Variants in FNDC3B observed in about 807,000 individuals in gnomAD.
The protein encoded by FNDC3B is fibronectin type III domain-containing protein 3B.
In FNDC3B, 12 loss-of-function variants were observed where a neutral mutation model predicts 151.5. The observed-to-expected ratio is 0.08, with a 90% CI of 0.05 to 0.13. The LOEUF (loss-of-function observed/expected upper bound fraction) is 0.13. Among genes scored for constraint, FNDC3B ranks in the 10% least tolerant of loss-of-function variants. FNDC3B has a pLI of 1.00. For missense variants in FNDC3B, 1,214 were observed against 1,505.3 expected, an observed-to-expected ratio of 0.81 and a Z score of 3.20; for synonymous variants, 528 against 549.0, an observed-to-expected ratio of 0.96 and a Z score of 0.54.
At chr3:172,188,533 G>A (rs1054727038) in intron 3 of FNDC3B, among the ~76,000 whole-genome samples, 1 of 151,944 alleles carries the variant, frequency 6.6e-6, no homozygotes, top group Non-Finnish European at 1.5e-5. Context: ...AGCCTCCAGA[G>A]TAGCTGGGAC....
intron 3 of FNDC3B, among the ~76,000 whole-genome samples, chr3:172,218,579 G>T (rs1377849240): frequency 6.6e-6 from 1 of 152,188 alleles, no homozygotes; most frequent in Non-Finnish European, 1.5e-5. Flanking sequence ...CAGTGTGAAA[G>T]TTGTTAAGAT....
At chr3:172,127,087 G>A (rs550867582) in intron 2 of FNDC3B, 2 of 456,612 alleles carry the variant, frequency 4.4e-6, no homozygotes, top group African/African-American at 2.0e-5. Context: ...AGATTTTATC[G>A]AGAGCATGAA....
chr3:172,062,245 C>T (rs987315477), intron 1 of FNDC3B, among the ~76,000 whole-genome samples: 3 of 151,924 alleles, frequency 2.0e-5, no homozygotes, highest in Admixed American at 1.3e-4. Flanking sequence ...TGGGAATTTG[C>T]CTCCTTTCTT....
At chr3:172,368,260 A>G (rs1012230699) in intron 23 of FNDC3B, among the ~76,000 whole-genome samples, 19 of 125,612 alleles carry the variant, frequency 1.5e-4, no homozygotes, top group African/African-American at 5.6e-4. Flanking sequence ...ACAGAGTGAG[A>G]CCCAGACTCT....
intron 3 of FNDC3B, among the ~76,000 whole-genome samples, chr3:172,210,983 G>C: frequency 6.6e-6 from 1 of 152,150 alleles, no homozygotes; most frequent in Non-Finnish European, 1.5e-5. Flanking sequence ...TTGAAAATTA[G>C]AGTTTCTTGT....
At chr3:172,273,683 T>C (rs188305223) in intron 6 of FNDC3B, among the ~76,000 whole-genome samples, 3 of 152,356 alleles carry the variant, frequency 2.0e-5, no homozygotes, top group Admixed American at 6.5e-5. Flanking sequence ...TTTATGTTAG[T>C]GGTTGTTACT....
chr3:172,355,521 G>A (rs115650395), intron 22 of FNDC3B, among the ~76,000 whole-genome samples: 1 of 152,154 alleles, frequency 6.6e-6, no homozygotes, highest in Admixed American at 6.5e-5. Flanking sequence ...AATCTAGGGG[G>A]GGGGCCTAGC....
At chr3:172,324,267 C>T (rs965319213) in intron 11 of FNDC3B, among the ~76,000 whole-genome samples, 12 of 151,364 alleles carry the variant, frequency 7.9e-5, no homozygotes, top group Admixed American at 7.2e-4. Flanking sequence ...GACTTACTGG[C>T]GAGCCAAGTC....
At chr3:172,317,663 C>T (rs180805788) in intron 11 of FNDC3B, among the ~76,000 whole-genome samples, 1 of 152,280 alleles carries the variant, frequency 6.6e-6, no homozygotes, top group South Asian at 2.1e-4. Context: ...TGGACAACAG[C>T]CGATTCAGTG....
At chr3:172,293,348 G>A (rs890693626) in intron 7 of FNDC3B, among the ~76,000 whole-genome samples, 2 of 152,196 alleles carry the variant, frequency 1.3e-5, no homozygotes, top group African/African-American at 4.8e-5. Flanking sequence ...GGGAAGAGGA[G>A]CTGCTAGTCT....
At chr3:172,119,016 A>C (rs950956963) in intron 2 of FNDC3B, among the ~76,000 whole-genome samples, 7 of 151,814 alleles carry the variant, frequency 4.6e-5, no homozygotes, top group Non-Finnish European at 1.0e-4. Flanking sequence ...AAAATACAAA[A>C]AAAATTAGCC....
chr3:172,149,007 A>G (rs964622720), intron 3 of FNDC3B, among the ~76,000 whole-genome samples: 9 of 152,364 alleles, frequency 5.9e-5, no homozygotes, highest in East Asian at 1.9e-4. Context: ...GAGATTCTTT[A>G]GAATTTGAGA....
At chr3:172,106,682 T>C (rs777465860) in intron 1 of FNDC3B, among the ~76,000 whole-genome samples, 7 of 152,208 alleles carry the variant, frequency 4.6e-5, no homozygotes, top group Non-Finnish European at 8.8e-5. Flanking sequence ...TGGCTTTAAG[T>C]TAGACATTCT....
chr3:172,371,504 T>C (rs920610204), intron 23 of FNDC3B, among the ~76,000 whole-genome samples: 1 of 152,236 alleles, frequency 6.6e-6, no homozygotes, highest in African/African-American at 2.4e-5. Flanking sequence ...AAGAAGATAT[T>C]ACAGTCAAAG....
At chr3:172,083,276 C>T (rs1022898078) in intron 1 of FNDC3B, among the ~76,000 whole-genome samples, 3 of 152,184 alleles carry the variant, frequency 2.0e-5, no homozygotes, top group African/African-American at 7.2e-5. Flanking sequence ...TACTGGCATG[C>T]CTATGTTGGT....
intron 6 of FNDC3B, among the ~76,000 whole-genome samples, chr3:172,258,073 A>G (rs1366168083): frequency 6.6e-6 from 1 of 152,276 alleles, no homozygotes; most frequent in South Asian, 2.1e-4. Flanking sequence ...TGACTAACAT[A>G]TAGGTAGCAG....
chr3:172,087,242 A>G (rs1434827158), intron 1 of FNDC3B, among the ~76,000 whole-genome samples: 2 of 152,148 alleles, frequency 1.3e-5, no homozygotes, highest in African/African-American at 4.8e-5. Context: ...TATATTATAA[A>G]CTATCAGCTT....
intron 3 of FNDC3B, among the ~76,000 whole-genome samples, chr3:172,205,388 A>T (rs1225803138): frequency 1.3e-5 from 2 of 152,212 alleles, no homozygotes; most frequent in African/African-American, 4.8e-5. Context: ...ACCATGTGCC[A>T]GGTACTCTTC....
chr3:172,066,036 G>A (rs1717480672), intron 1 of FNDC3B, among the ~76,000 whole-genome samples: 1 of 152,238 alleles, frequency 6.6e-6, no homozygotes, highest in Admixed American at 6.5e-5. Context: ...GGCTTGGAAT[G>A]TAGAGATACA....
Sources: gnomAD v4.1 joint callset for allele counts (sites outside exome capture counted in the v4.1 genomes callset) on GRCh38, gnomAD v4.1.1 for gene constraint, MANE v1.5 for transcripts, NCBI Gene and HGNC (gene_info 2026-07-23, HGNC 2026-07-21) for gene names.